SYNGR1: variants seen among roughly 807,000 people sequenced by gnomAD.
SYNGR1 encodes the protein synaptogyrin-1.
Under a neutral mutation model 26.1 loss-of-function variants are expected in SYNGR1, and 14 were observed. The observed-to-expected ratio is 0.54, with a 90% confidence interval of 0.35 to 0.84. SYNGR1 has a LOEUF of 0.84. SYNGR1 is among the 40% of genes least tolerant of loss of function. The pLI is 0.01. For missense variants in SYNGR1, 319 were observed against 332.9 expected (o/e 0.96, Z 0.33); for synonymous variants, 141 against 150.1 (o/e 0.94, Z 0.44).
At chr22:39,374,288 G>T in intron 1 of SYNGR1, 28 bp from the exon 2 acceptor site, 2 of 1,609,544 alleles carry the variant, frequency 1.2e-6, no homozygotes, top group Non-Finnish European at 1.7e-6. Context: ...GTCTGCCCAG[G>T]TCTAAGGTGT....
chr22:39,364,199 T>C, intron 1 of SYNGR1: 1 of 1,613,376 alleles, frequency 6.2e-7, no homozygotes, highest in South Asian at 1.1e-5. Context: ...GGTCTCATGT[T>C]GACCTTAGAG....
rs966385690 is a variant in SYNGR1, at chr22:39,366,621, G to A, written c.100-7695G>A. Among the ~76,000 whole-genome samples, 51 of 152,032 alleles carry A rather than the reference G, an allele frequency of 3.4e-4. 3 individuals are homozygous for A. The highest frequency in any genetic ancestry group is 2.4e-5 in the African/African-American group (1 of 41,398). On this transcript the variant is annotated intron_variant, in intron 1 of 3. Coordinates refer to ENST00000328933, the MANE Select transcript of SYNGR1 (RefSeq NM_004711.5). ...AGATTGCGCCCCTGCACTCCAGTCCGGGCAACAGAGCGAGACTCCATCTCA... is the reference window on the plus strand; with the variant it reads ...AGATTGCGCCCCTGCACTCCAGTCCAGGCAACAGAGCGAGACTCCATCTCA...
At chr22:39,378,995 C>T (rs1382524932) in intron 3 of SYNGR1, among the ~76,000 whole-genome samples, 1 of 152,210 alleles carries the variant, frequency 6.6e-6, no homozygotes, top group African/African-American at 2.4e-5. Flanking sequence ...TGCCTCTGTA[C>T]AGGAAACCAG....
chr22:39,367,135 C>A (rs2145620325), intron 1 of SYNGR1, among the ~76,000 whole-genome samples: 1 of 152,374 alleles, frequency 6.6e-6, no homozygotes, highest in Middle Eastern at 3.4e-3. Context: ...CTTCGTTCTT[C>A]ATGACACTTG....
chr22:39,384,824 C>A lies in SYNGR1; in HGVS notation c.*2910C>A. On this transcript the variant is annotated 3_prime_UTR_variant, in exon 4 of 4. Coordinates refer to ENST00000328933, the MANE Select transcript of SYNGR1 (RefSeq NM_004711.5). ...GTAGAGTCGCAAGGACGCTTAGAGTCGGCAGAGTCTGGGGTAGGGAGACAG... is the reference window on the plus strand; with the variant it reads ...GTAGAGTCGCAAGGACGCTTAGAGTAGGCAGAGTCTGGGGTAGGGAGACAG... 2.5e-6 allele frequency: 1 copy of A among 398,942 alleles called. No homozygotes were observed. 24.7% of individuals were successfully genotyped at this position (398,942 alleles called of 1,614,324 possible).
At chr22:39,354,610 C>T (rs1393096835) in intron 1 of SYNGR1, among the ~76,000 whole-genome samples, 3 of 152,088 alleles carry the variant, frequency 2.0e-5, no homozygotes, top group African/African-American at 7.2e-5. Flanking sequence ...GAGGCCAAGG[C>T]GGGTGGATCA....
At chr22:39,373,492 T>C (rs1925126836) in intron 1 of SYNGR1, among the ~76,000 whole-genome samples, 1 of 151,300 alleles carries the variant, frequency 6.6e-6, no homozygotes, top group East Asian at 2.0e-4. Flanking sequence ...TGCTTTGTTT[T>C]GTTTTTTTGA....
chr22:39,372,451 T>C (rs2145626446), intron 1 of SYNGR1, among the ~76,000 whole-genome samples: 1 of 130,518 alleles, frequency 7.7e-6, no homozygotes, highest in East Asian at 2.2e-4. Context: ...TTTTTTTTTT[T>C]TTTTTTTTTT....
chr22:39,372,183 T>C (rs1281617555), intron 1 of SYNGR1, among the ~76,000 whole-genome samples: 2 of 136,646 alleles, frequency 1.5e-5, no homozygotes, highest in African/African-American at 2.8e-5. Context: ...TAAGCTGGAG[T>C]GCAGTGGGGT....
intron 1 of SYNGR1, among the ~76,000 whole-genome samples, chr22:39,366,961 C>T (rs1468590141): frequency 6.6e-6 from 1 of 152,192 alleles, no homozygotes; most frequent in East Asian, 1.9e-4. Context: ...ATCGTGCGGG[C>T]CTCCATGCCG....
chr22:39,370,729 T>C (rs1924980721), intron 1 of SYNGR1, among the ~76,000 whole-genome samples: 1 of 151,802 alleles, frequency 6.6e-6, no homozygotes, highest in South Asian at 2.1e-4. Context: ...GCCATTCTCC[T>C]GTCACAGGCT....
In SYNGR1 at chr22:39,350,094, G is replaced by T; in HGVS notation, c.84G>T (p.Leu28=). 6.8e-7 allele frequency: 1 copy of T among 1,469,610 alleles called. No individual in the cohort carries two copies. The allele number at this position is 1,469,610 out of a possible 1,614,324, so 91.0% of individuals were successfully genotyped here. ...YTLVRQPHTI[L]RVVSWLFSIV... ...TGGTCCGGCAGCCGCACACCATCCT[G>T]CGCGTCGTGTCTTGGGTAAGGACGG... Residue 28 remains leucine (L), a synonymous_variant, in exon 1 of 4, where the codon CTG becomes CTT. Transcript: ENST00000328933. The surrounding 1 kb of genome is among the most constrained non-coding windows in gnomAD (Gnocchi z 4.3).
chr22:39,366,602 C>T (rs1010817183), intron 1 of SYNGR1, among the ~76,000 whole-genome samples: 3 of 152,136 alleles, frequency 2.0e-5, no homozygotes, highest in South Asian at 2.1e-4. Flanking sequence ...GCTGAGATTG[C>T]GCCCCTGCAC....
At chr22:39,353,274 C>T (rs1349869888) in intron 1 of SYNGR1, among the ~76,000 whole-genome samples, 1 of 152,220 alleles carries the variant, frequency 6.6e-6, no homozygotes, top group Admixed American at 6.5e-5. Context: ...CCTGGACCCA[C>T]CCTGGAACCC....
intron 1 of SYNGR1, among the ~76,000 whole-genome samples, chr22:39,355,207 C>G (rs1924091231): frequency 6.6e-6 from 1 of 152,184 alleles, no homozygotes; most frequent in Admixed American, 6.5e-5. Flanking sequence ...GACTCACAAG[C>G]TGGACTTCCT....
At position 39,361,981 on chromosome 22, in the gene SYNGR1, G is replaced by A. The variant is rs543144877; in HGVS notation, c.99+11872G>A. Among the ~76,000 whole-genome samples, 288 of 150,872 alleles carry A rather than the reference G, an allele frequency of 1.9e-3. 1 individual carries two copies. The highest frequency in any genetic ancestry group is 3.5e-3 in the Non-Finnish European group (236 of 67,788). ...GTAAGGCCCTGGGCCAGTCAAGTGA[G>A]CCCTCTCTGGGTCTTTGTTTCCTCC... On this transcript the variant is annotated intron_variant, in intron 1 of 3. Coordinates refer to ENST00000328933, the MANE Select transcript of SYNGR1 (RefSeq NM_004711.5).
At position 39,373,570 on chromosome 22, in the gene SYNGR1, C is replaced by A. The variant is rs144206636; in HGVS notation, c.100-746C>A. On this transcript the variant is annotated intron_variant, in intron 1 of 3. Transcript: ENST00000328933. ...TGATCACGGTTCACTACAACCTCCA[C>A]CTCCTGGGCTCAAGAGATCCTCCCC... Among the ~76,000 whole-genome samples, 1,152 of 152,274 alleles carry A rather than the reference C, an allele frequency of 7.6e-3. 21 individuals are homozygous for A. The highest frequency in any genetic ancestry group is 0.026 in the African/African-American group (1,091 of 41,538).
rs1055344969 is a variant in SYNGR1, at chr22:39,374,540, C to T, written c.324C>T (p.Asp108=). Residue 108 remains aspartate, a synonymous_variant, in exon 2 of 4, where the codon GAC becomes GAT. Coordinates refer to ENST00000328933, the MANE Select transcript of SYNGR1 (RefSeq NM_004711.5). ...ACCGCAAGAAAGCCGTCCTGTCCGA[C>T]ATCGGTGTCTCGGGTGAGCCCCACC... ...VKDRKKAVLS[D]IGVSAFWAFL... 4 of 1,613,304 alleles carry T rather than the reference C, an allele frequency of 2.5e-6. No individual in the cohort carries two copies. In the African/African-American group the frequency reaches 4.0e-5, roughly 16 times the overall value.
At chr22:39,381,374 T>G (rs1925492136) in intron 3 of SYNGR1, among the ~76,000 whole-genome samples, 1 of 152,194 alleles carries the variant, frequency 6.6e-6, no homozygotes, top group African/African-American at 2.4e-5. Context: ...TGTGAGCCTT[T>G]GAGCCATCTT....
Sources: gnomAD v4.1 joint callset for allele counts (sites outside exome capture counted in the v4.1 genomes callset) on GRCh38, gnomAD v4.1.1 for gene constraint, Gnocchi (gnomAD v3.1) non-coding constraint, MANE v1.5 for transcripts, NCBI Gene and HGNC (gene_info 2026-07-23, HGNC 2026-07-21) for gene names.